Variants in PLCL1 observed in about 807,000 individuals in gnomAD.
PLCL1 encodes inactive phospholipase C-like protein 1.
PLCL1 carries 41 observed loss-of-function variants against 84.4 expected under a neutral mutation model. The observed-to-expected ratio is 0.49, with a 90% CI of 0.38 to 0.63. PLCL1 has a LOEUF of 0.63. PLCL1 is among the 30% of genes least tolerant of loss of function. The pLI is 0.00. For missense variants in PLCL1, 1,206 were observed against 1,367.8 expected (o/e 0.88, Z 1.87); for synonymous variants, 490 against 488.3 (o/e 1.00, Z -0.05).
chr2:198,071,139 ATG>A (rs1366206640), intron 1 of PLCL1: 1 of 168,026 alleles, frequency 6.0e-6, no homozygotes, highest in Non-Finnish European at 1.1e-5. Flanking sequence ...CACACACACA[ATG>A]CATTTTAAGA....
At chr2:197,867,632 C>A (rs1687574471) in intron 1 of PLCL1, among the ~76,000 whole-genome samples, 1 of 152,120 alleles carries the variant, frequency 6.6e-6, no homozygotes, top group Non-Finnish European at 1.5e-5. Context: ...TCTCTTCCAG[C>A]CTTAACCAGG....
chr2:198,018,400 A>G (rs986397580), intron 1 of PLCL1, among the ~76,000 whole-genome samples: 45 of 152,278 alleles, frequency 3.0e-4, no homozygotes, highest in Middle Eastern at 3.4e-3. Flanking sequence ...CTCCCCTGGA[A>G]TAGGGGCTGA....
intron 1 of PLCL1, among the ~76,000 whole-genome samples, chr2:197,908,417 T>C (rs1416255579): frequency 6.6e-6 from 1 of 152,248 alleles, no homozygotes; most frequent in Non-Finnish European, 1.5e-5. Context: ...CTTCCTTATA[T>C]TGACCCCGCA....
chr2:197,835,640 G>T (rs1440282284), intron 1 of PLCL1, among the ~76,000 whole-genome samples: 1 of 152,084 alleles, frequency 6.6e-6, no homozygotes, highest in African/African-American at 2.4e-5. Context: ...TTGTAATCTG[G>T]GCCAAACTGT....
chr2:197,811,046 C>A (rs1690576828), intron 1 of PLCL1, among the ~76,000 whole-genome samples: 1 of 152,078 alleles, frequency 6.6e-6, no homozygotes, highest in Non-Finnish European at 1.5e-5. Context: ...TTCAGTTCTG[C>A]AAAATCTTAG....
chr2:197,957,576 G>A (rs1689518419), intron 1 of PLCL1, among the ~76,000 whole-genome samples: 1 of 151,994 alleles, frequency 6.6e-6, no homozygotes, highest in South Asian at 2.1e-4. Flanking sequence ...TGGCATTCTA[G>A]TCTTGGATAT....
intron 1 of PLCL1, among the ~76,000 whole-genome samples, chr2:197,935,550 G>A (rs918883599): frequency 2.0e-5 from 3 of 152,096 alleles, no homozygotes; most frequent in Non-Finnish European, 4.4e-5. Flanking sequence ...ACTTATAAGT[G>A]GGAACTGAAC....
chr2:197,807,302 T>C (rs1012968623), intron 1 of PLCL1, among the ~76,000 whole-genome samples: 1 of 152,238 alleles, frequency 6.6e-6, no homozygotes, highest in South Asian at 2.1e-4. Flanking sequence ...TAAGCAGATA[T>C]ATCTATATGT....
chr2:197,975,147 CAAAAAAAAAAA>C (rs71015804), intron 1 of PLCL1, among the ~76,000 whole-genome samples: 1 of 19,908 alleles, frequency 5.0e-5, no homozygotes, highest in Non-Finnish European at 9.9e-5. Flanking sequence ...GACTCCATCT[CAAAAAAAAAAA>C]AAAAAAAAAA....
intron 5 of PLCL1, among the ~76,000 whole-genome samples, chr2:198,105,294 G>A (rs1312686550): frequency 1.3e-5 from 2 of 151,838 alleles, no homozygotes; most frequent in East Asian, 1.9e-4. Flanking sequence ...ATTGCTTGTT[G>A]TTGTTGACTT....
chr2:197,917,986 T>C (rs956966683), intron 1 of PLCL1, among the ~76,000 whole-genome samples: 10 of 152,070 alleles, frequency 6.6e-5, no homozygotes, highest in South Asian at 2.1e-4. Flanking sequence ...CATACTGATA[T>C]AAAGAGTACA....
intron 1 of PLCL1, among the ~76,000 whole-genome samples, chr2:198,008,118 A>G (rs1445831565): frequency 4.6e-5 from 7 of 152,124 alleles, no homozygotes; most frequent in Non-Finnish European, 8.8e-5. Context: ...AGTTTGACTT[A>G]AAATCACAAT....
chr2:198,095,811 T>A (rs914247429), intron 3 of PLCL1, among the ~76,000 whole-genome samples: 2 of 152,220 alleles, frequency 1.3e-5, no homozygotes, highest in African/African-American at 4.8e-5. Flanking sequence ...TAGACTTAGC[T>A]CCAGCCCTAA....
At chr2:197,972,230 G>A (rs757181894) in intron 1 of PLCL1, among the ~76,000 whole-genome samples, 3 of 152,310 alleles carry the variant, frequency 2.0e-5, no homozygotes, top group Admixed American at 6.5e-5. Flanking sequence ...GCCAAGTTTC[G>A]TCAAAGAAAG....
At chr2:198,012,409 A>G (rs1690888859) in intron 1 of PLCL1, among the ~76,000 whole-genome samples, 1 of 152,104 alleles carries the variant, frequency 6.6e-6, no homozygotes, top group Non-Finnish European at 1.5e-5. Flanking sequence ...GGAAGAGTGC[A>G]GTCAGTCAAG....
At chr2:197,935,677 G>A (rs1689037832) in intron 1 of PLCL1, among the ~76,000 whole-genome samples, 1 of 152,032 alleles carries the variant, frequency 6.6e-6, no homozygotes, top group Admixed American at 6.6e-5. Flanking sequence ...CTTATTACCG[G>A]GGTGACAAAA....
At position 198,100,247 on chromosome 2, in the gene PLCL1, A is replaced by G. The variant is rs139549786; in HGVS notation, c.2920-1038A>G. Among the ~76,000 whole-genome samples the G allele has an allele frequency of 8.8e-4, 134 of 152,268 alleles. 1 individual carries two copies. The highest frequency in any genetic ancestry group is 3.2e-3 in the African/African-American group (131 of 41,572). Reference sequence around the variant, plus strand: ...TGAGTCCCTGCTCTACTGGAATTACAATTTACTGGAGAAGTAACAAGATGG... The same window carrying G: ...TGAGTCCCTGCTCTACTGGAATTACGATTTACTGGAGAAGTAACAAGATGG... On this transcript the variant is annotated intron_variant, in intron 3 of 5. Transcript: ENST00000428675.
At chr2:198,138,458 C>T (rs920198867) in intron 5 of PLCL1, among the ~76,000 whole-genome samples, 1 of 152,284 alleles carries the variant, frequency 6.6e-6, no homozygotes, top group South Asian at 2.1e-4. Context: ...TACAATTCAA[C>T]ATGAGATTTG....
intron 1 of PLCL1, among the ~76,000 whole-genome samples, chr2:198,017,873 T>C (rs1372315070): frequency 1.3e-5 from 2 of 152,220 alleles, no homozygotes; most frequent in African/African-American, 2.4e-5. Context: ...CTTGATTGTG[T>C]GGGAATTTCA....
Sources: allele counts gnomAD v4.1 joint callset (sites outside exome capture counted in the v4.1 genomes callset), GRCh38; gene constraint gnomAD v4.1.1; transcripts MANE v1.5; gene names NCBI Gene and HGNC (gene_info 2026-07-23, HGNC 2026-07-21).